Variants in EIF4H observed in about 807,000 individuals in gnomAD.
The protein encoded by EIF4H is Williams-Beuren syndrome chromosome region 1.
A neutral mutation model predicts 30.6 loss-of-function variants in EIF4H; 8 were observed. That is an observed-to-expected ratio of 0.26 (90% confidence interval 0.15 to 0.47). The LOEUF (loss-of-function observed/expected upper bound fraction) is 0.47, where lower values mean the gene tolerates loss of function less well. Among genes scored for constraint, EIF4H ranks in the 20% least tolerant of loss-of-function variants. The pLI, the probability that EIF4H is intolerant of heterozygous loss-of-function variation, is 0.99. For missense variants in EIF4H, 188 were observed against 339.5 expected, an observed-to-expected ratio of 0.55 and a Z score of 3.51; for synonymous variants, 106 against 122.7, an observed-to-expected ratio of 0.86 and a Z score of 0.90.
chr7:74,185,115 C>T (rs1413468597), intron 1 of EIF4H, among the ~76,000 whole-genome samples: 1 of 152,066 alleles, frequency 6.6e-6, no homozygotes, highest in African/African-American at 2.4e-5. Context: ...CTCAGCCTCC[C>T]AGGTAGCTTG....
intron 1 of EIF4H, among the ~76,000 whole-genome samples, chr7:74,181,955 T>C (rs1168052490): frequency 6.6e-6 from 1 of 151,892 alleles, no homozygotes; most frequent in African/African-American, 2.4e-5. Flanking sequence ...GACCTTGTGA[T>C]TCATCCGCTT....
At chr7:74,182,656 C>T (rs559182370) in intron 1 of EIF4H, among the ~76,000 whole-genome samples, 1 of 152,238 alleles carries the variant, frequency 6.6e-6, no homozygotes, top group Non-Finnish European at 1.5e-5. Flanking sequence ...CAATCACAGT[C>T]CCAAAGTGCT....
intron 1 of EIF4H, chr7:74,183,968 A>G (rs1216038152): frequency 6.6e-6 from 1 of 152,216 alleles, no homozygotes; most frequent in Non-Finnish European, 1.5e-5. Flanking sequence ...CAGGTAGGGT[A>G]TGGGAATATT....
At chr7:74,180,693 G>A (rs1355242803) in intron 1 of EIF4H, among the ~76,000 whole-genome samples, 1 of 152,208 alleles carries the variant, frequency 6.6e-6, no homozygotes, top group Non-Finnish European at 1.5e-5. Flanking sequence ...GGATGGCCAG[G>A]CTCTGAAACT....
chr7:74,194,179 A>G (rs1414670203), intron 5 of EIF4H, among the ~76,000 whole-genome samples: 2 of 152,192 alleles, frequency 1.3e-5, no homozygotes, highest in Non-Finnish European at 2.9e-5. Flanking sequence ...GGCATGGCCA[A>G]TTTCGGATAA....
intron 5 of EIF4H, among the ~76,000 whole-genome samples, chr7:74,193,180 C>G (rs565762918): frequency 6.6e-6 from 1 of 152,348 alleles, no homozygotes; most frequent in South Asian, 2.1e-4. Flanking sequence ...CAGCACTTCA[C>G]ACTGCACCTG....
rs182910986 is a variant in EIF4H at position 74,181,319 on chromosome 7, C to T, written c.60-6292C>T. On this transcript the variant is annotated intron_variant, in intron 1 of 6. Coordinates refer to ENST00000265753, the MANE Select transcript of EIF4H (RefSeq NM_022170.2). Reference sequence around the variant, plus strand: ...GTTCTTATTTTTTTAAATTTTAATCCTCATCTTTGTGTTGGTAAATATTAC... The same window carrying T: ...GTTCTTATTTTTTTAAATTTTAATCTTCATCTTTGTGTTGGTAAATATTAC... Among the ~76,000 whole-genome samples, 20 of 152,068 alleles carry T rather than the reference C, an allele frequency of 1.3e-4. No homozygotes were observed. The East Asian group carries it at 3.7e-3, about 28-fold the overall frequency.
intron 1 of EIF4H, among the ~76,000 whole-genome samples, chr7:74,185,246 G>T (rs1231244954): frequency 3.3e-5 from 5 of 152,096 alleles, no homozygotes; most frequent in African/African-American, 1.2e-4. Flanking sequence ...TCCCGCCTCA[G>T]CCTCCCAAAC....
intron 1 of EIF4H, among the ~76,000 whole-genome samples, chr7:74,181,116 G>A (rs1800950970): frequency 6.6e-6 from 1 of 152,066 alleles, no homozygotes; most frequent in Non-Finnish European, 1.5e-5. Flanking sequence ...TCTAGTTCCA[G>A]AACCTTTTCA....
rs1413503768 is a variant in EIF4H at position 74,195,888 on chromosome 7, T to C, written c.*580T>C. 6.5e-6 allele frequency: 1 copy of C among 154,250 alleles called. No individual in the cohort carries two copies. The highest frequency in any genetic ancestry group is 2.4e-5 in the African/African-American group (1 of 41,438). 9.6% of individuals were successfully genotyped at this position (154,250 alleles called of 1,614,324 possible). On this transcript the variant is annotated 3_prime_UTR_variant, in exon 7 of 7. Coordinates refer to ENST00000265753, the MANE Select transcript of EIF4H (RefSeq NM_022170.2). ...TGTTTTCACAACTAGGATAAAAATATCTGCAGGGTCCTTTCCATTCCTATT... is the reference window on the plus strand; with the variant it reads ...TGTTTTCACAACTAGGATAAAAATACCTGCAGGGTCCTTTCCATTCCTATT...
Position 74,189,861 on chromosome 7 carries a change from G to A in EIF4H, c.352G>A (p.Gly118Ser). ...DRSLRVDIAE[G>S]RKQDKGGFGF... The stretch of plus-strand genomic sequence containing the variant: ...GTCACTTCGTGTGGACATTGCAGAA[G>A]GCAGAAAACAAGATAAAGGTGGCTT... Residue 118 changes from glycine to serine, a missense_variant, in exon 4 of 7, where the codon GGC becomes AGC. Physicochemically the swap from Gly to Ser is moderately conservative, Grantham distance 56. Coordinates refer to ENST00000265753, the MANE Select transcript of EIF4H (RefSeq NM_022170.2). 1 of 1,614,200 alleles carries A rather than the reference G, an allele frequency of 6.2e-7. No individual in the cohort carries two copies. Among genetic ancestry groups the A allele is most frequent in the Non-Finnish European group, 8.5e-7 (1 of 1,180,046 alleles).
chr7:74,175,126 T>C (rs1800808873), intron 1 of EIF4H, among the ~76,000 whole-genome samples: 2 of 152,246 alleles, frequency 1.3e-5, no homozygotes, highest in South Asian at 4.1e-4. Context: ...CTCCTTGGTT[T>C]CTCGCTCTGA....
chr7:74,182,628 G>T (rs1554708576), intron 1 of EIF4H, among the ~76,000 whole-genome samples: 1 of 152,196 alleles, frequency 6.6e-6, no homozygotes, highest in Non-Finnish European at 1.5e-5. Flanking sequence ...CTGTTGCCCA[G>T]GCTGGAGTGC....
At chr7:74,178,045 A>G (rs1322315074) in intron 1 of EIF4H, among the ~76,000 whole-genome samples, 2 of 152,142 alleles carry the variant, frequency 1.3e-5, no homozygotes, top group Admixed American at 6.5e-5. Flanking sequence ...GGCTCAAGCC[A>G]TCCTCCCACC....
chr7:74,174,985 C>T (rs1554707470), intron 1 of EIF4H, among the ~76,000 whole-genome samples: 2 of 152,274 alleles, frequency 1.3e-5, no homozygotes, highest in East Asian at 1.9e-4. Context: ...GGCTCTGGCC[C>T]GGGGATGGTA....
chr7:74,195,063 A>G, intron 6 of EIF4H, 106 bp from the exon 7 acceptor site: 1 of 1,544,276 alleles, frequency 6.5e-7, no homozygotes, highest in Non-Finnish European at 8.8e-7. Context: ...AGGCCAGGTG[A>G]ATTTTAGAAA....
chr7:74,192,213 C>CA (rs782260244), intron 5 of EIF4H, among the ~76,000 whole-genome samples: 9 of 152,256 alleles, frequency 5.9e-5, no homozygotes, highest in Non-Finnish European at 1.0e-4. Flanking sequence ...ACTTTGTACT[C>CA]ACGTGGAAAG....
At chr7:74,174,602 G>C (rs1800793017) in intron 1 of EIF4H, among the ~76,000 whole-genome samples, 160 bp downstream of exon 1, 1 of 152,014 alleles carries the variant, frequency 6.6e-6, no homozygotes, top group Admixed American at 6.5e-5. Context: ...GAAATGGCGC[G>C]CTCGGAGACG....
chr7:74,187,462 C>A, intron 1 of EIF4H, 149 bp from the exon 2 acceptor site: 1 of 777,668 alleles, frequency 1.3e-6, no homozygotes, highest in East Asian at 3.2e-5. Context: ...TTTTTTGTTT[C>A]TCCAGCCATT....
Sources: allele counts gnomAD v4.1 joint callset (sites outside exome capture counted in the v4.1 genomes callset), GRCh38; gene constraint gnomAD v4.1.1; transcripts MANE v1.5; gene names NCBI Gene and HGNC (gene_info 2026-07-23, HGNC 2026-07-21).